Variants in TMEM178B observed in about 807,000 individuals in gnomAD.
The protein encoded by TMEM178B is transmembrane protein 178B.
TMEM178B carries 5 observed loss-of-function variants against 31.0 expected under a neutral mutation model. The observed-to-expected ratio is 0.16, with a 90% CI of 0.08 to 0.34. The LOEUF is 0.34. TMEM178B is among the 10% of genes least tolerant of loss of function. The pLI, the probability that TMEM178B is intolerant of heterozygous loss-of-function variation, is 1.00. For synonymous variants in TMEM178B, 164 were observed against 164.0 expected (o/e 1.00, Z 0.00); for missense variants, 275 against 400.3 (o/e 0.69, Z 2.67).
chr7:141,306,427 AC>A, intron 2 of TMEM178B, among the ~76,000 whole-genome samples: 1 of 152,208 alleles, frequency 6.6e-6, no homozygotes, highest in Non-Finnish European at 1.5e-5. Flanking sequence ...GCCATGAGTC[AC>A]AGGAAGGAAA....
At chr7:141,292,887 A>G (rs1485722870) in intron 2 of TMEM178B, among the ~76,000 whole-genome samples, 1 of 151,964 alleles carries the variant, frequency 6.6e-6, no homozygotes, top group African/African-American at 2.4e-5. Flanking sequence ...ATCTGCCCGC[A>G]TCAGCCTCCC....
At chr7:141,151,417 A>G (rs758961937) in intron 1 of TMEM178B, among the ~76,000 whole-genome samples, 8 of 152,132 alleles carry the variant, frequency 5.3e-5, no homozygotes, top group Non-Finnish European at 7.4e-5. Context: ...ACAGCTGGAA[A>G]GGGGTGGATG....
chr7:141,200,207 GACC>G (rs1205915448), intron 1 of TMEM178B, among the ~76,000 whole-genome samples: 1 of 152,132 alleles, frequency 6.6e-6, no homozygotes, highest in African/African-American at 2.4e-5. Flanking sequence ...TTGGAATGCT[GACC>G]ACCAGATGAT....
intron 2 of TMEM178B, among the ~76,000 whole-genome samples, chr7:141,432,182 A>AGTCTC (rs1801446809): frequency 1.3e-5 from 1 of 78,728 alleles, no homozygotes; most frequent in African/African-American, 5.0e-5. Context: ...TTTGAGACGG[A>AGTCTC]GTCTCACTGT....
At chr7:141,410,374 T>A (rs1800961235) in intron 2 of TMEM178B, among the ~76,000 whole-genome samples, 1 of 152,210 alleles carries the variant, frequency 6.6e-6, no homozygotes. Flanking sequence ...TCACTTTGGC[T>A]ACTTCCCTTG....
chr7:141,327,184 T>G (rs1315512599), intron 2 of TMEM178B, among the ~76,000 whole-genome samples: 3 of 152,180 alleles, frequency 2.0e-5, no homozygotes, highest in South Asian at 4.1e-4. Flanking sequence ...CTTTGCATGA[T>G]GTATAGAGTT....
intron 2 of TMEM178B, among the ~76,000 whole-genome samples, chr7:141,261,208 A>G (rs1031588505): frequency 6.6e-6 from 1 of 152,184 alleles, no homozygotes; most frequent in African/African-American, 2.4e-5. Flanking sequence ...TAGAAATTCA[A>G]TTTGAATGCC....
chr7:141,205,459 C>G (rs1165090421), intron 1 of TMEM178B, among the ~76,000 whole-genome samples: 1 of 152,114 alleles, frequency 6.6e-6, no homozygotes, highest in African/African-American at 2.4e-5. Context: ...CTTGCCTTTG[C>G]CTTCGGTGCT....
chr7:141,470,500 A>G, intron 3 of TMEM178B, 36 bp from the exon 4 acceptor site: 2 of 1,442,408 alleles, frequency 1.4e-6, no homozygotes, highest in African/African-American at 1.4e-5. Context: ...TTCCTTCTCC[A>G]TTTCCCCATC....
intron 1 of TMEM178B, among the ~76,000 whole-genome samples, chr7:141,101,908 CGTGT>C (rs3032868): frequency 0.13 from 17,967 of 142,648 alleles, 1,125 homozygotes; most frequent in South Asian, 0.18. Flanking sequence ...TGTGTGTTAA[CGTGT>C]GTGTGTGTGT....
chr7:141,423,561 G>A (rs769198560), intron 2 of TMEM178B, among the ~76,000 whole-genome samples: 7 of 152,134 alleles, frequency 4.6e-5, no homozygotes, highest in Non-Finnish European at 1.0e-4. Flanking sequence ...GAGGGGGCTT[G>A]CCATCTATTG....
intron 2 of TMEM178B, among the ~76,000 whole-genome samples, chr7:141,226,747 A>C (rs1797347875): frequency 6.6e-6 from 1 of 151,464 alleles, no homozygotes; most frequent in Admixed American, 6.6e-5. Context: ...TAATCCAGCT[A>C]CTCAAGTGGC....
intron 2 of TMEM178B, among the ~76,000 whole-genome samples, chr7:141,264,570 A>G (rs1287202162): frequency 1.3e-5 from 2 of 152,234 alleles, no homozygotes; most frequent in East Asian, 3.8e-4. Context: ...AAGCTTATGT[A>G]TGAATAGAGT....
intron 2 of TMEM178B, among the ~76,000 whole-genome samples, chr7:141,370,651 G>A (rs1310211106): frequency 6.6e-6 from 1 of 152,210 alleles, no homozygotes; most frequent in African/African-American, 2.4e-5. Flanking sequence ...GATTTGGACA[G>A]GACTTGCAAA....
chr7:141,135,639 C>A (rs1391515658), intron 1 of TMEM178B, among the ~76,000 whole-genome samples: 3 of 152,058 alleles, frequency 2.0e-5, no homozygotes, highest in African/African-American at 7.2e-5. Flanking sequence ...ACCATTGGAC[C>A]AGTGAAGATC....
intron 2 of TMEM178B, among the ~76,000 whole-genome samples, chr7:141,342,649 C>T (rs919947335): frequency 5.9e-5 from 9 of 152,208 alleles, no homozygotes; most frequent in African/African-American, 2.2e-4. Context: ...AAATTCTCCT[C>T]CCTTGAACAG....
intron 2 of TMEM178B, among the ~76,000 whole-genome samples, chr7:141,265,564 G>A (rs1798083024): frequency 6.6e-6 from 1 of 152,158 alleles, no homozygotes; most frequent in African/African-American, 2.4e-5. Flanking sequence ...TTATTGTTCT[G>A]TCTCCAGCAT....
intron 3 of TMEM178B, among the ~76,000 whole-genome samples, chr7:141,457,633 A>T (rs528242329): frequency 6.6e-6 from 1 of 152,366 alleles, no homozygotes; most frequent in Non-Finnish European, 1.5e-5. Context: ...ACAGTCATTT[A>T]ATAAGAAAGT....
the TMEM178B span, among the ~76,000 whole-genome samples, chr7:141,506,464 G>A: frequency 6.6e-6 from 1 of 152,214 alleles, no homozygotes; most frequent in Non-Finnish European, 1.5e-5. Flanking sequence ...TGAGGAAGAA[G>A]CAAAAGGAGA....
Sources: gnomAD v4.1 joint callset for allele counts (sites outside exome capture counted in the v4.1 genomes callset) on GRCh38, gnomAD v4.1.1 for gene constraint, MANE v1.5 for transcripts, NCBI Gene and HGNC (gene_info 2026-07-23, HGNC 2026-07-21) for gene names.